DLG2: variants seen among roughly 807,000 people sequenced by gnomAD.
The protein encoded by DLG2 is disks large homolog 2.
DLG2 carries 45 observed loss-of-function variants against 132.5 expected under a neutral mutation model. The ratio of observed to expected loss-of-function variants is 0.34; its 90% CI spans 0.27 to 0.44. DLG2 has a LOEUF of 0.44. DLG2 is among the 20% of genes least tolerant of loss of function. The pLI, the probability that DLG2 is intolerant of heterozygous loss-of-function variation, is 1.00. For synonymous variants in DLG2, 424 were observed against 419.6 expected (o/e 1.01, Z -0.13); for missense variants, 1,045 against 1,196.9 (o/e 0.87, Z 1.87).
intron 14 of DLG2, among the ~76,000 whole-genome samples, chr11:83,951,034 A>G (rs1249503416): frequency 6.6e-6 from 1 of 152,206 alleles, no homozygotes; most frequent in African/African-American, 2.4e-5. Context: ...ACGAGAGATT[A>G]ACAAAATAAA....
In DLG2 at chr11:83,638,217, T is replaced by G. The variant is rs536752556; in HGVS notation, c.1826-4892A>C. ...ATTTTTGAGTATGTAAAGCCAGTTG[T>G]TCCTGACTAGGTGCATTTAATTTGG... is the stretch of plus-strand genomic sequence containing the variant. On this transcript the variant is annotated intron_variant, in intron 18 of 27. Coordinates refer to ENST00000376104, the MANE Select transcript of DLG2 (RefSeq NM_001142699.3). Among the ~76,000 whole-genome samples, 10 of 152,288 alleles carry G rather than the reference T, an allele frequency of 6.6e-5. No homozygotes were observed. The South Asian group carries it at 2.1e-3, about 32-fold the overall frequency.
At chr11:84,803,294 A>C (rs776489959) in intron 6 of DLG2, among the ~76,000 whole-genome samples, 20 of 152,226 alleles carry the variant, frequency 1.3e-4, no homozygotes, top group Admixed American at 2.6e-4. Flanking sequence ...ATTAAAACCC[A>C]ACAACCATCC....
chr11:84,120,444 T>C (rs72951874), intron 9 of DLG2, among the ~76,000 whole-genome samples: 1,656 of 152,320 alleles, frequency 0.011, 9 homozygotes, highest in Non-Finnish European at 0.016. Flanking sequence ...TTAGCATTCA[T>C]TCTTTTAAAG....
chr11:85,526,606 G>T (rs2074769618), intron 3 of DLG2, among the ~76,000 whole-genome samples: 1 of 152,122 alleles, frequency 6.6e-6, no homozygotes, highest in Non-Finnish European at 1.5e-5. Flanking sequence ...CATTAGAACT[G>T]GTAACTACAT....
At chr11:83,872,809 T>C (rs2063730671) in intron 16 of DLG2, among the ~76,000 whole-genome samples, 1 of 152,218 alleles carries the variant, frequency 6.6e-6, no homozygotes, top group African/African-American at 2.4e-5. Flanking sequence ...ATAGCCACCC[T>C]GAGCCCTGCC....
chr11:85,030,962 A>T (rs1364540089), intron 6 of DLG2, among the ~76,000 whole-genome samples: 1 of 151,868 alleles, frequency 6.6e-6, no homozygotes, highest in Non-Finnish European at 1.5e-5. Flanking sequence ...TTTAAATTTT[A>T]TTTTATTTTA....
chr11:84,675,174 G>A (rs1006388073), intron 6 of DLG2, among the ~76,000 whole-genome samples: 1 of 152,092 alleles, frequency 6.6e-6, no homozygotes, highest in African/African-American at 2.4e-5. Context: ...TGATTCTGCT[G>A]TCTTGATTTT....
intron 18 of DLG2, among the ~76,000 whole-genome samples, chr11:83,707,532 G>A (rs541572681): frequency 6.6e-5 from 10 of 152,224 alleles, no homozygotes; most frequent in South Asian, 2.1e-4. Flanking sequence ...TTAGTGGGGC[G>A]TTGTGGTGCA....
At chr11:84,305,292 T>C (rs183502594) in intron 7 of DLG2, among the ~76,000 whole-genome samples, 3 of 152,246 alleles carry the variant, frequency 2.0e-5, no homozygotes, top group Non-Finnish European at 2.9e-5. Flanking sequence ...AAGAATAAAT[T>C]TGGATTTAAA....
rs3039336 is a variant in DLG2 at position 83,558,848 on chromosome 11, C to CGTGTGTGTGTGTGTGTGTGTGTGT, written c.1941-17014_1941-16991dup. ...CCCGGTAAAAAACAGTGCTAGATGT[C>CGTGTGTGTGTGTGTGTGTGTGTGT]GTGTGTGTGTGTGTGTGTGTGTGTG... On this transcript the variant is annotated intron_variant, in intron 19 of 27. Transcript: ENST00000376104. 8.9e-4 allele frequency among the ~76,000 whole-genome samples: 126 copies of CGTGTGTGTGTGTGTGTGTGTGTGT among 142,334 alleles called. 1 individual carries two copies. Among genetic ancestry groups the CGTGTGTGTGTGTGTGTGTGTGTGT allele is most frequent in the Non-Finnish European group, 1.4e-3 (91 of 64,702 alleles). 93.4% of individuals were successfully genotyped at this position (142,334 alleles called of 152,430 possible). A position where few individuals can be genotyped will look rare whatever the true frequency, so the allele number is the denominator to read the frequency against.
At chr11:84,697,587 C>T (rs2058746843) in intron 6 of DLG2, among the ~76,000 whole-genome samples, 1 of 151,398 alleles carries the variant, frequency 6.6e-6, no homozygotes, top group East Asian at 1.9e-4. Flanking sequence ...CACTGAGCCA[C>T]GAAGTGTACC....
intron 6 of DLG2, among the ~76,000 whole-genome samples, chr11:84,553,768 G>GT (rs1387246709): frequency 2.0e-5 from 3 of 152,206 alleles, no homozygotes; most frequent in Admixed American, 2.0e-4. Context: ...AAATTAAAAT[G>GT]TATTGTGGAC....
intron 12 of DLG2, among the ~76,000 whole-genome samples, chr11:83,969,177 C>CCAATTGT (rs1470397610): frequency 6.6e-6 from 1 of 152,084 alleles, no homozygotes; most frequent in African/African-American, 2.4e-5. Flanking sequence ...CACACTGCCT[C>CCAATTGT]CAATTGTCAA....
At chr11:83,795,865 T>C (rs1314359809) in intron 17 of DLG2, among the ~76,000 whole-genome samples, 1 of 152,212 alleles carries the variant, frequency 6.6e-6, no homozygotes, top group Non-Finnish European at 1.5e-5. Context: ...AACACATTCT[T>C]ATACCCTTGT....
At chr11:85,144,738 C>A (rs1408985053) in intron 5 of DLG2, among the ~76,000 whole-genome samples, 1 of 151,806 alleles carries the variant, frequency 6.6e-6, no homozygotes, top group Admixed American at 6.6e-5. Flanking sequence ...CCTCCATGTT[C>A]TTTGACTTTT....
chr11:85,414,016 C>T (rs1183547596), intron 3 of DLG2, among the ~76,000 whole-genome samples: 7 of 152,148 alleles, frequency 4.6e-5, no homozygotes, highest in African/African-American at 1.7e-4. Context: ...AATATTGATT[C>T]TACCCATTCA....
At chr11:85,408,486 A>G (rs1041251756) in intron 3 of DLG2, among the ~76,000 whole-genome samples, 5 of 150,940 alleles carry the variant, frequency 3.3e-5, no homozygotes, top group Admixed American at 1.3e-4. Flanking sequence ...ATGCTGGTGC[A>G]CTGCACCCAC....
At chr11:85,196,387 A>C (rs919509096) in intron 4 of DLG2, among the ~76,000 whole-genome samples, 13 of 152,212 alleles carry the variant, frequency 8.5e-5, no homozygotes, top group African/African-American at 2.7e-4. Flanking sequence ...AATAACATGC[A>C]AAGTATGCAA....
At chr11:84,426,844 T>C (rs181279127) in intron 7 of DLG2, among the ~76,000 whole-genome samples, 52 of 152,222 alleles carry the variant, frequency 3.4e-4, no homozygotes, top group Admixed American at 2.4e-3. Flanking sequence ...GGAATCCCTC[T>C]CTTAAAAGTT....
Sources: gnomAD v4.1 joint callset for allele counts (sites outside exome capture counted in the v4.1 genomes callset) on GRCh38, gnomAD v4.1.1 for gene constraint, MANE v1.5 for transcripts, NCBI Gene and HGNC (gene_info 2026-07-23, HGNC 2026-07-21) for gene names.